The following PRDM16 variants were observed in gnomAD, a reference collection of about 807,000 sequenced individuals.
PRDM16 encodes histone-lysine N-methyltransferase PRDM16.
In PRDM16, 23 loss-of-function variants were observed where a neutral mutation model predicts 110.6. That is an observed-to-expected ratio of 0.21 (90% CI 0.15 to 0.29). The LOEUF is 0.29. PRDM16 is among the 10% of genes least tolerant of loss of function. The pLI is 1.00. For synonymous variants in PRDM16, 799 were observed against 781.8 expected (o/e 1.02, Z -0.37); for missense variants, 1,615 against 1,794.3 (o/e 0.90, Z 1.81).
At chr1:3,378,117 C>T (rs1289446945) in intron 3 of PRDM16, among the ~76,000 whole-genome samples, 1 of 152,214 alleles carries the variant, frequency 6.6e-6, no homozygotes, top group Non-Finnish European at 1.5e-5. Flanking sequence ...TTGGCGCTGT[C>T]CCCACCTGGT....
At chr1:3,415,190 C>A (rs950496236) in intron 10 of PRDM16, among the ~76,000 whole-genome samples, 2 of 152,168 alleles carry the variant, frequency 1.3e-5, no homozygotes, top group African/African-American at 4.8e-5. Flanking sequence ...CCTGCCAGGC[C>A]TGGAGGTGCT....
rs1426528480 is a variant in PRDM16, at chr1:3,201,085, G to C, written c.387+14611G>C. Among the ~76,000 whole-genome samples, 1 of 152,094 alleles carries C rather than the reference G, an allele frequency of 6.6e-6. No homozygotes were observed. Among genetic ancestry groups the C allele is most frequent in the Non-Finnish European group, 1.5e-5 (1 of 68,034 alleles). ...TCCGGGGAAGGCCAGCTGCCCAAAT[G>C]ACTGAAGTCTGATGGCAGAAGGACA... On this transcript the variant is annotated intron_variant, in intron 2 of 16. Transcript: ENST00000270722. This position sits in a 1 kb window ranked among gnomAD's most constrained non-coding sequence, Gnocchi z 4.1.
intron 2 of PRDM16, among the ~76,000 whole-genome samples, chr1:3,199,762 C>A (rs1046856547): frequency 1.3e-5 from 2 of 152,214 alleles, no homozygotes; most frequent in Non-Finnish European, 2.9e-5. Flanking sequence ...AGGGGCCCTC[C>A]GGGACAGGAC....
intron 1 of PRDM16, among the ~76,000 whole-genome samples, chr1:3,122,058 C>T (rs1231023422): frequency 1.3e-5 from 2 of 152,210 alleles, no homozygotes; most frequent in South Asian, 4.1e-4. Flanking sequence ...TTAGGGGAGC[C>T]AGCCTCACCG....
chr1:3,381,465 C>A (rs1038026410), intron 3 of PRDM16, among the ~76,000 whole-genome samples: 8 of 149,294 alleles, frequency 5.4e-5, no homozygotes, highest in Non-Finnish European at 1.2e-4. Flanking sequence ...TGCAGTGGCG[C>A]AATCTCGGCT....
At chr1:3,401,075 C>T (rs1557653629) in intron 5 of PRDM16, among the ~76,000 whole-genome samples, 1 of 152,192 alleles carries the variant, frequency 6.6e-6, no homozygotes, top group Non-Finnish European at 1.5e-5. Context: ...GGGAGCCAGG[C>T]TCTGAGGACC....
intron 2 of PRDM16, among the ~76,000 whole-genome samples, chr1:3,212,968 T>C (rs1638932891): frequency 6.6e-6 from 1 of 152,210 alleles, no homozygotes. Flanking sequence ...AAGAGCTCCC[T>C]GGCAGCAGAG....
chr1:3,321,881 CAT>C lies in PRDM16; in HGVS notation c.439-63266_439-63265del, dbSNP rs201354211. Among the ~76,000 whole-genome samples, 854 of 150,912 alleles carry C rather than the reference CAT, an allele frequency of 5.7e-3. 9 individuals carry two copies. The highest frequency in any genetic ancestry group is 0.019 in the African/African-American group (794 of 40,992). On this transcript the variant is annotated intron_variant, in intron 3 of 16. Transcript: ENST00000270722. ...GAGTGTGTGCATTTGTGTGTGGGTG[CAT>C]ATATGTGTTTGTGTTTGTAGGAGCA...
chr1:3,198,877 G>A (rs1032588213), intron 2 of PRDM16, among the ~76,000 whole-genome samples: 15 of 152,108 alleles, frequency 9.9e-5, no homozygotes, highest in African/African-American at 1.9e-4. Flanking sequence ...CGTCCACTCC[G>A]TTCCCATTTA....
chr1:3,326,516 G>A (rs1641912995), intron 3 of PRDM16, among the ~76,000 whole-genome samples: 1 of 152,144 alleles, frequency 6.6e-6, no homozygotes, highest in African/African-American at 2.4e-5. Flanking sequence ...AGCTGACCCT[G>A]GAATCCGACC....
At chr1:3,427,320 G>C (rs1288718159) in intron 14 of PRDM16, among the ~76,000 whole-genome samples, 4 of 152,200 alleles carry the variant, frequency 2.6e-5, no homozygotes, top group Admixed American at 2.6e-4. Flanking sequence ...GCCTGAGGGG[G>C]TGATCCCCTG....
chr1:3,212,654 G>C (rs956063004), intron 2 of PRDM16, among the ~76,000 whole-genome samples: 256 of 147,982 alleles, frequency 1.7e-3, no homozygotes, highest in African/African-American at 4.6e-3. Context: ...CCCTCGCTGC[G>C]GTCCTCCCGC....
chr1:3,279,417 C>T (rs1640661929), intron 3 of PRDM16, among the ~76,000 whole-genome samples: 1 of 152,230 alleles, frequency 6.6e-6, no homozygotes, highest in African/African-American at 2.4e-5. Flanking sequence ...CCGCTCCGGG[C>T]GAGGGACCAA....
At chr1:3,178,657 A>G (rs1644117774) in intron 1 of PRDM16, among the ~76,000 whole-genome samples, 1 of 152,170 alleles carries the variant, frequency 6.6e-6, no homozygotes, top group African/African-American at 2.4e-5. Flanking sequence ...TGTTTCCCCC[A>G]GGATGCACCC....
At chr1:3,236,305 AG>A (rs1198727997) in intron 2 of PRDM16, among the ~76,000 whole-genome samples, 1 of 152,178 alleles carries the variant, frequency 6.6e-6, no homozygotes. Context: ...TTCCCAGGCC[AG>A]GAGCAGTTGG....
chr1:3,337,704 G>A (rs1168083918), intron 3 of PRDM16, among the ~76,000 whole-genome samples: 1 of 152,194 alleles, frequency 6.6e-6, no homozygotes, highest in African/African-American at 2.4e-5. Context: ...TTGGTGTGAT[G>A]CTGTGCGGTT....
In PRDM16 at chr1:3,390,893, T is replaced by C. The variant is rs1458691181; in HGVS notation, c.574-5598T>C. Among the ~76,000 whole-genome samples, 2 of 146,292 alleles carry C rather than the reference T, an allele frequency of 1.4e-5. No homozygotes were observed. The highest frequency in any genetic ancestry group is 2.3e-4 in the South Asian group (1 of 4,296). On this transcript the variant is annotated intron_variant, in intron 4 of 16. Coordinates refer to ENST00000270722, the MANE Select transcript of PRDM16 (RefSeq NM_022114.4). This position sits in a 1 kb window ranked among gnomAD's most constrained non-coding sequence, Gnocchi z 5.0. ...TCTTGTTGCCCAGGCCAGAGTGCAA[T>C]AGCACAATCTCGGCTCACTGCAACC...
intron 1 of PRDM16, among the ~76,000 whole-genome samples, chr1:3,118,351 A>T (rs1410873527): frequency 6.6e-6 from 1 of 152,182 alleles, no homozygotes; most frequent in Non-Finnish European, 1.5e-5. Flanking sequence ...ATGGCAATTC[A>T]CACTCCTGCA....
At chr1:3,106,899 C>T (rs1048370029) in intron 1 of PRDM16, among the ~76,000 whole-genome samples, 6 of 152,172 alleles carry the variant, frequency 3.9e-5, no homozygotes, top group African/African-American at 1.4e-4. Context: ...GGTGTGGCTC[C>T]ATGACAACAG....
Sources: allele counts gnomAD v4.1 joint callset (sites outside exome capture counted in the v4.1 genomes callset), GRCh38; gene constraint gnomAD v4.1.1; non-coding constraint Gnocchi (gnomAD v3.1); transcripts MANE v1.5; gene names NCBI Gene and HGNC (gene_info 2026-07-23, HGNC 2026-07-21).